Variants in SWAP70 observed in about 807,000 individuals in gnomAD.
The protein encoded by SWAP70 is switching B cell complex subunit SWAP70, also known as switch-associated protein 70.
A neutral mutation model predicts 80.2 loss-of-function variants in SWAP70; 34 were observed. The observed-to-expected ratio is 0.42, with a 90% CI of 0.32 to 0.56. The LOEUF is 0.56. Among genes scored for constraint, SWAP70 ranks in the 20% least tolerant of loss-of-function variants. The probability of loss-of-function intolerance (pLI) is 0.09; values close to 1 mark genes in which losing one functional copy is unlikely to be tolerated. For missense variants in SWAP70, 578 were observed against 690.7 expected, an observed-to-expected ratio of 0.84 and a Z score of 1.83; for synonymous variants, 239 against 238.5, an observed-to-expected ratio of 1.00 and a Z score of -0.02.
intron 1 of SWAP70, among the ~76,000 whole-genome samples, chr11:9,667,824 A>G (rs1850327488): frequency 6.6e-6 from 1 of 152,034 alleles, no homozygotes; most frequent in Non-Finnish European, 1.5e-5. Context: ...GCCTCTCAAA[A>G]TGCTGGGATT....
chr11:9,675,363 GA>G lies in SWAP70; in HGVS notation c.99+11086del, dbSNP rs1850480103. On this transcript the variant is annotated intron_variant, in intron 1 of 11. Coordinates refer to ENST00000318950, the MANE Select transcript of SWAP70 (RefSeq NM_015055.4). ...AGAGGGAGCGAGAGAGAGAGAGAGA[GA>G]GAGAGAGAGAGAGAGAGAGAGAGAG... Among the ~76,000 whole-genome samples, 11 of 32,244 alleles carry G rather than the reference GA, an allele frequency of 3.4e-4. 1 individual carries two copies. The highest frequency in any genetic ancestry group is 7.0e-4 in the Non-Finnish European group (9 of 12,832). 21.2% of individuals were successfully genotyped at this position (32,244 alleles called of 152,430 possible). A position where few individuals can be genotyped will look rare whatever the true frequency, so the allele number is the denominator to read the frequency against.
chr11:9,679,238 T>C (rs1170170976), intron 1 of SWAP70, among the ~76,000 whole-genome samples: 1 of 152,212 alleles, frequency 6.6e-6, no homozygotes, highest in African/African-American at 2.4e-5. Context: ...AACATTTGAT[T>C]TGAAGGAGGA....
rs147526200 is a variant in SWAP70, at chr11:9,713,800, T to C, written c.414+161T>C. Among the ~76,000 whole-genome samples, 7 of 152,328 alleles carry C rather than the reference T, an allele frequency of 4.6e-5. 1 individual carries two copies. The highest frequency in any genetic ancestry group is 1.7e-4 in the African/African-American group (7 of 41,572). ...CCTGAGTATAGAAAAGCTCCAAATA[T>C]AGTAATTTGGGGCATGTAATACCCC... is the stretch of plus-strand genomic sequence containing the variant. On this transcript the variant is annotated intron_variant, in intron 3 of 11. Coordinates refer to ENST00000318950, the MANE Select transcript of SWAP70 (RefSeq NM_015055.4).
intron 2 of SWAP70, among the ~76,000 whole-genome samples, chr11:9,697,603 C>T (rs371840861): frequency 2.0e-5 from 3 of 151,926 alleles, no homozygotes; most frequent in African/African-American, 4.8e-5. Context: ...TTAGAAACCA[C>T]GAGAAATATT....
At chr11:9,671,549 G>T (rs181018926) in intron 1 of SWAP70, among the ~76,000 whole-genome samples, 49 of 30,556 alleles carry the variant, frequency 1.6e-3, no homozygotes, top group East Asian at 3.0e-3. Flanking sequence ...GAAATATATA[G>T]AAATATATAT....
chr11:9,690,290 A>G (rs1186160457), intron 1 of SWAP70, among the ~76,000 whole-genome samples: 1 of 152,222 alleles, frequency 6.6e-6, no homozygotes, highest in African/African-American at 2.4e-5. Flanking sequence ...TTTTATAAAA[A>G]GAAAACCTTG....
chr11:9,720,879 G>T (rs1245881077), intron 3 of SWAP70, among the ~76,000 whole-genome samples: 2 of 152,092 alleles, frequency 1.3e-5, no homozygotes, highest in South Asian at 4.1e-4. Flanking sequence ...ACAGTGGCGC[G>T]ATCTTGGCTC....
At chr11:9,690,245 C>T (rs757231230) in intron 1 of SWAP70, among the ~76,000 whole-genome samples, 2 of 151,954 alleles carry the variant, frequency 1.3e-5, no homozygotes, top group Admixed American at 6.6e-5. Flanking sequence ...GTTTATATTC[C>T]GGCCATCAAA....
At chr11:9,664,377 C>CA in intron 1 of SWAP70, 99 bp downstream of exon 1, 1 of 1,356,180 alleles carries the variant, frequency 7.4e-7, no homozygotes, top group East Asian at 2.8e-5. Flanking sequence ...GACCGCAGGG[C>CA]GGGGCGGGTC....
chr11:9,708,735 C>A (rs1339413464), intron 2 of SWAP70, among the ~76,000 whole-genome samples: 1 of 152,160 alleles, frequency 6.6e-6, no homozygotes, highest in African/African-American at 2.4e-5. Flanking sequence ...CATGTCATTT[C>A]CCCTGTGTGG....
At chr11:9,675,342 G>GAGGGA (rs1565111624) in intron 1 of SWAP70, among the ~76,000 whole-genome samples, 1 of 11,910 alleles carries the variant, frequency 8.4e-5, no homozygotes, top group African/African-American at 1.7e-4. Context: ...AGAGAGAGAG[G>GAGGGA]GAGCGAGAGA....
intron 1 of SWAP70, among the ~76,000 whole-genome samples, chr11:9,684,271 A>T (rs1046070728): frequency 2.6e-5 from 4 of 151,984 alleles, no homozygotes; most frequent in African/African-American, 9.7e-5. Context: ...TCATAGAGAC[A>T]GGGTCTTGTT....
chr11:9,718,801 A>C (rs898642364), intron 3 of SWAP70, among the ~76,000 whole-genome samples: 2 of 152,120 alleles, frequency 1.3e-5, no homozygotes, highest in African/African-American at 4.8e-5. Context: ...TTAAGCCTTA[A>C]TTAATACAAT....
rs1192982851 is a variant in SWAP70 at position 9,712,939 on chromosome 11, C to G, written c.241-527C>G. Among the ~76,000 whole-genome samples the G allele has an allele frequency of 2.0e-5, 3 of 152,082 alleles. No homozygotes were observed. In the South Asian group the frequency reaches 6.2e-4, roughly 32 times the overall value. On this transcript the variant is annotated intron_variant, in intron 2 of 11. Coordinates refer to ENST00000318950, the MANE Select transcript of SWAP70 (RefSeq NM_015055.4). The stretch of plus-strand genomic sequence containing the variant: ...CTCAAACTCCTGACCTCAGGTGATC[C>G]GCCTGCCTCGGCCTCCCAGAGTGCT...
chr11:9,687,891 A>T (rs1850651505), intron 1 of SWAP70, among the ~76,000 whole-genome samples: 1 of 152,204 alleles, frequency 6.6e-6, no homozygotes, highest in Non-Finnish European at 1.5e-5. Context: ...ATAGGAGTTC[A>T]TGGGGCAGGG....
At chr11:9,738,158 A>C in intron 7 of SWAP70, 55 bp from the exon 8 acceptor site, 1 of 1,268,204 alleles carries the variant, frequency 7.9e-7, no homozygotes, top group African/African-American at 1.5e-5. Context: ...CTCTCTCTTT[A>C]ATGTACTTCT....
chr11:9,700,881 C>G (rs976568269), intron 2 of SWAP70, among the ~76,000 whole-genome samples: 3 of 152,074 alleles, frequency 2.0e-5, no homozygotes, highest in Non-Finnish European at 4.4e-5. Context: ...AGGTGATTCT[C>G]TTGTCTTAAT....
At chr11:9,707,557 CTTTTTTTT>C (rs34901698) in intron 2 of SWAP70, among the ~76,000 whole-genome samples, 1 of 64,816 alleles carries the variant, frequency 1.5e-5, no homozygotes, top group Non-Finnish European at 3.6e-5. Flanking sequence ...TTTTTCTTTT[CTTTTTTTT>C]TTTTTTTTGA....
intron 6 of SWAP70, among the ~76,000 whole-genome samples, chr11:9,729,780 C>CT (rs546528485): frequency 6.9e-4 from 105 of 152,244 alleles, no homozygotes; most frequent in Middle Eastern, 6.8e-3. Flanking sequence ...GCGTGAGCCA[C>CT]TACGCCTGGC....
Sources: gnomAD v4.1 joint callset for allele counts (sites outside exome capture counted in the v4.1 genomes callset) on GRCh38, gnomAD v4.1.1 for gene constraint, MANE v1.5 for transcripts, NCBI Gene and HGNC (gene_info 2026-07-23, HGNC 2026-07-21) for gene names.